PACRG: variants seen among roughly 807,000 people sequenced by gnomAD.
The protein encoded by PACRG is parkin coregulated.
In PACRG, 29 loss-of-function variants were observed where a neutral mutation model predicts 29.7. The ratio of observed to expected loss-of-function variants is 0.98; its 90% CI spans 0.73 to 1.33. The LOEUF is 1.33. Ranked by LOEUF, PACRG falls within the 40% of genes most tolerant of loss-of-function variation. The pLI is 0.00. For missense variants in PACRG, 279 were observed against 316.2 expected (o/e 0.88, Z 0.89); for synonymous variants, 116 against 118.7 (o/e 0.98, Z 0.15).
chr6:162,873,441 T>C (rs2127998003), intron 2 of PACRG, among the ~76,000 whole-genome samples: 1 of 152,370 alleles, frequency 6.6e-6, no homozygotes, highest in East Asian at 1.9e-4. Context: ...GCACTGAATC[T>C]ATTGCTGTAG....
chr6:163,094,107 CT>C (rs372056924), intron 4 of PACRG, among the ~76,000 whole-genome samples: 9 of 152,306 alleles, frequency 5.9e-5, no homozygotes, highest in African/African-American at 2.2e-4. Flanking sequence ...TTCTCATGCT[CT>C]TTTCAAACGT....
At chr6:162,925,233 G>A (rs1317883148) in intron 2 of PACRG, among the ~76,000 whole-genome samples, 2 of 152,076 alleles carry the variant, frequency 1.3e-5, no homozygotes, top group Non-Finnish European at 2.9e-5. Context: ...TCTGCTAGAG[G>A]TACAAAGAGG....
At chr6:162,832,847 G>A (rs1401086411) in intron 2 of PACRG, among the ~76,000 whole-genome samples, 11 of 149,280 alleles carry the variant, frequency 7.4e-5, no homozygotes, top group Admixed American at 6.0e-4. Flanking sequence ...CCCAAATAAA[G>A]ATGATTCCAA....
chr6:163,198,830 A>G (rs1780581247), intron 4 of PACRG, among the ~76,000 whole-genome samples: 1 of 152,172 alleles, frequency 6.6e-6, no homozygotes, highest in African/African-American at 2.4e-5. Flanking sequence ...GGCACAGCTT[A>G]GTTTTATGTA....
At chr6:162,809,095 T>C (rs1786609530) in intron 1 of PACRG, among the ~76,000 whole-genome samples, 2 of 152,098 alleles carry the variant, frequency 1.3e-5, no homozygotes, top group Non-Finnish European at 1.5e-5. Context: ...TGTCCTTCTA[T>C]AAAGCTTAGG....
At chr6:162,929,480 C>A (rs1472365532) in intron 2 of PACRG, among the ~76,000 whole-genome samples, 1 of 151,984 alleles carries the variant, frequency 6.6e-6, no homozygotes, top group African/African-American at 2.4e-5. Flanking sequence ...GGTTATTAAT[C>A]ACTTGTCAGA....
chr6:163,137,912 C>G (rs1252969915), intron 4 of PACRG, among the ~76,000 whole-genome samples: 2 of 152,242 alleles, frequency 1.3e-5, no homozygotes, highest in Non-Finnish European at 2.9e-5. Flanking sequence ...TCCCTTCTCA[C>G]CACCGCCCTG....
intron 1 of PACRG, among the ~76,000 whole-genome samples, chr6:162,766,737 C>T (rs1782822894): frequency 1.3e-5 from 2 of 152,154 alleles, no homozygotes; most frequent in South Asian, 4.1e-4. Context: ...TCTGAATTTT[C>T]AAATTGGTTG....
chr6:162,855,982 A>G (rs566140446), intron 2 of PACRG, among the ~76,000 whole-genome samples: 125 of 152,254 alleles, frequency 8.2e-4, no homozygotes, highest in African/African-American at 2.8e-3. Context: ...GCCGGACTTT[A>G]TGCCTTCCTT....
chr6:163,131,618 G>T (rs1311086407), intron 4 of PACRG, among the ~76,000 whole-genome samples: 1 of 152,114 alleles, frequency 6.6e-6, no homozygotes, highest in Non-Finnish European at 1.5e-5. Flanking sequence ...AAGTCACCAG[G>T]TTTGTGGTAC....
chr6:163,146,239 T>C (rs1434287701), intron 4 of PACRG, among the ~76,000 whole-genome samples: 1 of 152,168 alleles, frequency 6.6e-6, no homozygotes. Flanking sequence ...ATCCCAAGAC[T>C]TGGCTTTCAC....
intron 1 of PACRG, among the ~76,000 whole-genome samples, chr6:162,765,159 C>G (rs34263814): frequency 0.096 from 14,641 of 152,058 alleles, 969 homozygotes; most frequent in South Asian, 0.23. Context: ...ATCTTTGTAT[C>G]TACTTACCTA....
At chr6:163,171,860 G>C (rs1177173062) in intron 4 of PACRG, among the ~76,000 whole-genome samples, 1 of 152,212 alleles carries the variant, frequency 6.6e-6, no homozygotes, top group Non-Finnish European at 1.5e-5. Flanking sequence ...CCCCTTCTGA[G>C]AGTGTGGAAA....
intron 2 of PACRG, among the ~76,000 whole-genome samples, chr6:162,999,165 AT>A (rs1489450602): frequency 6.6e-6 from 1 of 152,232 alleles, no homozygotes; most frequent in African/African-American, 2.4e-5. Flanking sequence ...AAATACCCAA[AT>A]AATTATGGGC....
chr6:162,920,462 A>G (rs1403203353), intron 2 of PACRG, among the ~76,000 whole-genome samples: 2 of 152,188 alleles, frequency 1.3e-5, no homozygotes, highest in African/African-American at 2.4e-5. Flanking sequence ...CTGGTCTATT[A>G]TGAGAACTCT....
At position 162,753,583 on chromosome 6, in the gene PACRG, C is replaced by T. The variant is rs190240413; in HGVS notation, c.156+25192C>T. Among the ~76,000 whole-genome samples, 105 of 152,198 alleles carry T rather than the reference C, an allele frequency of 6.9e-4. No homozygotes were observed. In the East Asian group the frequency reaches 0.01, roughly 15 times the overall value. ...TCTGTGTCCCCACCCAAATTCATCT[C>T]GAATTGTAATCTCCATGTGTCAGAG... On this transcript the variant is annotated intron_variant, in intron 1 of 4. Coordinates refer to ENST00000366888, the MANE Select transcript of PACRG (RefSeq NM_001080379.2).
At chr6:162,825,290 G>C (rs372545453) in intron 2 of PACRG, among the ~76,000 whole-genome samples, 18 of 152,256 alleles carry the variant, frequency 1.2e-4, no homozygotes, top group South Asian at 1.0e-3. Context: ...TTGGGATTCA[G>C]TCTGATTTAA....
intron 1 of PACRG, among the ~76,000 whole-genome samples, chr6:162,736,624 C>T (rs867667883): frequency 4.0e-4 from 60 of 148,822 alleles, no homozygotes; most frequent in African/African-American, 1.5e-3. Flanking sequence ...CTCCCAGCTA[C>T]TGTGGTTTTC....
intron 2 of PACRG, among the ~76,000 whole-genome samples, chr6:162,856,334 T>A (rs1268596671): frequency 6.6e-6 from 1 of 152,146 alleles, no homozygotes; most frequent in Non-Finnish European, 1.5e-5. Context: ...GCTGGGATTA[T>A]AGGCATGAGC....
Sources: gnomAD v4.1 joint callset for allele counts (sites outside exome capture counted in the v4.1 genomes callset) on GRCh38, gnomAD v4.1.1 for gene constraint, MANE v1.5 for transcripts, NCBI Gene and HGNC (gene_info 2026-07-23, HGNC 2026-07-21) for gene names.